Variants in GLYR1 observed in about 807,000 individuals in gnomAD.
GLYR1 encodes the protein cytokine-like nuclear factor N-PAC.
A neutral mutation model predicts 72.7 loss-of-function variants in GLYR1; 21 were observed. The ratio of observed to expected loss-of-function variants is 0.29; its 90% CI spans 0.20 to 0.42. The LOEUF (loss-of-function observed/expected upper bound fraction) is 0.42. Ranked by LOEUF, GLYR1 falls within the 10% of genes least tolerant of loss-of-function variation. The probability of loss-of-function intolerance (pLI) is 1.00; values close to 1 mark genes in which losing one functional copy is unlikely to be tolerated. For missense variants in GLYR1, 594 were observed against 712.1 expected (o/e 0.83, Z 1.89); for synonymous variants, 392 against 270.2 (o/e 1.45, Z -4.42).
intron 3 of GLYR1, among the ~76,000 whole-genome samples, chr16:4,835,307 T>C (rs917231015): frequency 6.6e-6 from 1 of 152,172 alleles, no homozygotes; most frequent in South Asian, 2.1e-4. Flanking sequence ...TGTTGAAGCA[T>C]CTTACAAGGT....
rs555697603 is a variant in GLYR1, at chr16:4,831,575, T to C, written c.537+404A>G. On this transcript the variant is annotated intron_variant, in intron 5 of 15. Transcript: ENST00000321919. ...CTAAGCCCCTCCCAGGGCCAGCCCT[T>C]GTGCACCGGCTCAAGTGGACTGCTC... Among the ~76,000 whole-genome samples the C allele has an allele frequency of 1.9e-3, 288 of 152,382 alleles. 1 individual carries two copies. The highest frequency in any genetic ancestry group is 3.2e-3 in the Non-Finnish European group (221 of 68,034).
rs967785461 is a variant in GLYR1 at position 4,821,147 on chromosome 16, G to C, written c.806+233C>G. 1.7e-5 allele frequency: 10 copies of C among 579,996 alleles called. No homozygotes were observed. The Admixed American group carries it at 2.4e-4, about 14-fold the overall frequency. The allele number at this position is 579,996 out of a possible 1,614,324, so 35.9% of individuals were successfully genotyped here. A position where few individuals can be genotyped will look rare whatever the true frequency, so the allele number is the denominator to read the frequency against. On this transcript the variant is annotated intron_variant, in intron 9 of 15. Transcript: ENST00000321919. ...ACTGAGCCAAGTGCTCCTTGCTCTT[G>C]AGTTCTGGAGCCAAAAAAATCCCTC...
chr16:4,813,384 C>T (rs899383056), intron 12 of GLYR1, among the ~76,000 whole-genome samples: 3 of 152,202 alleles, frequency 2.0e-5, no homozygotes, highest in Non-Finnish European at 4.4e-5. Flanking sequence ...CCAAAGTCCC[C>T]ACTCCCTTAT....
At chr16:4,829,197 C>T (rs1189071593) in intron 5 of GLYR1, among the ~76,000 whole-genome samples, 1 of 152,058 alleles carries the variant, frequency 6.6e-6, no homozygotes, top group Non-Finnish European at 1.5e-5. Flanking sequence ...TGTCTCTCAC[C>T]AGAGGCCTCA....
rs1290214021 is a variant in GLYR1, at chr16:4,817,586, C to T, written c.906+12G>A. The T allele has an allele frequency of 1.9e-6, 3 of 1,566,380 alleles. No homozygotes were observed. Among genetic ancestry groups the T allele is most frequent in the Admixed American group, 3.3e-5 (2 of 59,918 alleles). On this transcript the variant is annotated intron_variant, in intron 10 of 15. Transcript: ENST00000321919. ...TCCACCGATCCAACAGGCACCACCC[C>T]TGAATGCTTACTTTCTCTGCAGTGC...
chr16:4,841,496 T>G (rs1482246715), intron 3 of GLYR1, among the ~76,000 whole-genome samples: 1 of 122,626 alleles, frequency 8.2e-6, no homozygotes, highest in Non-Finnish European at 1.8e-5. Context: ...AGTAAAAAAT[T>G]TAGCAGGGCA....
intron 3 of GLYR1, among the ~76,000 whole-genome samples, chr16:4,844,343 A>G (rs906933770): frequency 2.0e-5 from 3 of 150,882 alleles, no homozygotes; most frequent in African/African-American, 4.8e-5. Flanking sequence ...GTCAAAGCAA[A>G]TCACTTAGTT....
At chr16:4,831,018 G>C (rs1013837821) in intron 5 of GLYR1, among the ~76,000 whole-genome samples, 3 of 152,230 alleles carry the variant, frequency 2.0e-5, no homozygotes, top group Admixed American at 6.5e-5. Flanking sequence ...TCAAGTTCTT[G>C]ACATTCCAAA....
intron 5 of GLYR1, among the ~76,000 whole-genome samples, chr16:4,830,322 A>C (rs2084711792): frequency 6.6e-6 from 1 of 151,518 alleles, no homozygotes; most frequent in African/African-American, 2.4e-5. Context: ...AGCCTCCCAA[A>C]GTGCTATGAT....
At chr16:4,814,402 G>A (rs1326998721) in intron 11 of GLYR1, 135 bp downstream of exon 11, 8 of 698,040 alleles carry the variant, frequency 1.1e-5, no homozygotes, top group Admixed American at 2.2e-5. Context: ...CTTCACAATG[G>A]GAGATGGCCC....
chr16:4,845,130 C>CA lies in GLYR1; in HGVS notation c.98dup (p.Leu33PhefsTer35). On this transcript the variant is annotated frameshift_variant, in exon 3 of 16. Coordinates refer to ENST00000321919, the MANE Select transcript of GLYR1 (RefSeq NM_032569.4). LOFTEE classifies it high-confidence loss of function. ...AGCATTTCTTTCCGCGAGGTTTCTTCAAGTCCTTTGGTGGATTAACAATCT... is the reference window on the plus strand; with the variant it reads ...AGCATTTCTTTCCGCGAGGTTTCTTCAAAGTCCTTTGGTGGATTAACAATCT... The CA allele has an allele frequency of 6.2e-7, 1 of 1,614,130 alleles. No individual in the cohort carries two copies. The highest frequency in any genetic ancestry group is 8.5e-7 in the Non-Finnish European group (1 of 1,179,974).
chr16:4,805,114 C>T lies in GLYR1; in HGVS notation c.*122G>A. On this transcript the variant is annotated 3_prime_UTR_variant, in exon 16 of 16. Transcript: ENST00000321919. ...CTGTGCTGATGGCAAGTCTCAAAGTCTGTATAAAAGGAAATGGAGATAGGT... is the reference window on the plus strand; with the variant it reads ...CTGTGCTGATGGCAAGTCTCAAAGTTTGTATAAAAGGAAATGGAGATAGGT... The T allele has an allele frequency of 1.2e-6, 1 of 801,874 alleles. No individual in the cohort carries two copies. The highest frequency in any genetic ancestry group is 2.1e-6 in the Non-Finnish European group (1 of 466,168). 49.7% of individuals were successfully genotyped at this position (801,874 alleles called of 1,614,324 possible).
intron 5 of GLYR1, among the ~76,000 whole-genome samples, chr16:4,829,734 G>A (rs915001200): frequency 8.6e-5 from 13 of 151,834 alleles, no homozygotes; most frequent in African/African-American, 2.2e-4. Flanking sequence ...GTGCAGTGGC[G>A]CAATCTCGGC....
chr16:4,827,067 G>A (rs1035434703), intron 5 of GLYR1, among the ~76,000 whole-genome samples: 1 of 152,214 alleles, frequency 6.6e-6, no homozygotes, highest in Non-Finnish European at 1.5e-5. Flanking sequence ...GGCGCTGCTG[G>A]GGTGCAGCTC....
chr16:4,832,336 G>T (rs1407514158), intron 4 of GLYR1, 115 bp from the exon 5 acceptor site: 4 of 1,271,720 alleles, frequency 3.1e-6, no homozygotes, highest in Non-Finnish European at 4.4e-6. Flanking sequence ...TCCTCACAAT[G>T]ACCCTAGAAA....
chr16:4,818,862 C>T (rs1048787089), intron 9 of GLYR1, among the ~76,000 whole-genome samples: 1 of 152,162 alleles, frequency 6.6e-6, no homozygotes, highest in Admixed American at 6.6e-5. Flanking sequence ...CCCCAAACCT[C>T]TCACTGTTCC....
intron 15 of GLYR1, among the ~76,000 whole-genome samples, chr16:4,810,666 A>T (rs2141950294): frequency 7.9e-6 from 1 of 126,092 alleles, no homozygotes; most frequent in East Asian, 2.3e-4. Flanking sequence ...GATCGAGACC[A>T]TCCTGGCTAA....
chr16:4,837,669 A>T (rs2085236051), intron 3 of GLYR1, among the ~76,000 whole-genome samples: 1 of 151,944 alleles, frequency 6.6e-6, no homozygotes, highest in African/African-American at 2.4e-5. Context: ...GGTGAGAACA[A>T]GCCGGCACGG....
chr16:4,833,552 C>A (rs890214657), intron 3 of GLYR1, among the ~76,000 whole-genome samples: 2 of 150,936 alleles, frequency 1.3e-5, no homozygotes, highest in African/African-American at 4.9e-5. Flanking sequence ...TACTAAACCA[C>A]ACAAAACACG....
Sources: gnomAD v4.1 joint callset for allele counts (sites outside exome capture counted in the v4.1 genomes callset) on GRCh38, gnomAD v4.1.1 for gene constraint, MANE v1.5 for transcripts, NCBI Gene and HGNC (gene_info 2026-07-23, HGNC 2026-07-21) for gene names.